MDGA2: variants seen among roughly 807,000 people sequenced by gnomAD.
The protein encoded by MDGA2 is MAM domain containing glycosylphosphatidylinositol anchor 2.
In MDGA2, 40 loss-of-function variants were observed where a neutral mutation model predicts 117.8. The observed-to-expected ratio is 0.34, with a 90% CI of 0.26 to 0.44. The LOEUF (loss-of-function observed/expected upper bound fraction) is 0.44. MDGA2 is among the 20% of genes least tolerant of loss of function. The pLI is 1.00. For synonymous variants in MDGA2, 452 were observed against 439.0 expected, an observed-to-expected ratio of 1.03 and a Z score of -0.37; for missense variants, 1,123 against 1,250.6, an observed-to-expected ratio of 0.90 and a Z score of 1.54.
chr14:47,094,579 T>TA (rs1879854446), intron 6 of MDGA2, among the ~76,000 whole-genome samples: 1 of 152,078 alleles, frequency 6.6e-6, no homozygotes, highest in South Asian at 2.1e-4. Context: ...CATTTTTCTC[T>TA]AACAAGTTAC....
intron 9 of MDGA2, among the ~76,000 whole-genome samples, chr14:46,940,777 G>T (rs1324440607): frequency 6.6e-6 from 1 of 152,136 alleles, no homozygotes; most frequent in East Asian, 1.9e-4. Context: ...ATGTTCAATG[G>T]TGTACTTATA....
chr14:47,290,571 C>T (rs1888847693), intron 2 of MDGA2, among the ~76,000 whole-genome samples: 1 of 151,986 alleles, frequency 6.6e-6, no homozygotes, highest in Admixed American at 6.6e-5. Flanking sequence ...TATACCCTGG[C>T]TAATGACTTA....
At chr14:46,949,485 A>C (rs1885292182) in intron 9 of MDGA2, among the ~76,000 whole-genome samples, 3 of 151,936 alleles carry the variant, frequency 2.0e-5, no homozygotes, top group Admixed American at 1.3e-4. Flanking sequence ...CCAATGTGTA[A>C]TTGTTTAACC....
intron 4 of MDGA2, among the ~76,000 whole-genome samples, chr14:47,136,347 C>T (rs1396960999): frequency 6.6e-6 from 1 of 151,936 alleles, no homozygotes; most frequent in African/African-American, 2.4e-5. Flanking sequence ...TAGGTGCATG[C>T]CATCACACTG....
chr14:47,571,725 C>G (rs981375733), intron 1 of MDGA2, among the ~76,000 whole-genome samples: 1 of 121,548 alleles, frequency 8.2e-6, no homozygotes, highest in Non-Finnish European at 1.6e-5. Flanking sequence ...GGACATAAGG[C>G]GGGGAACATC....
chr14:47,668,613 G>A (rs1180475450), intron 1 of MDGA2, among the ~76,000 whole-genome samples: 4 of 152,194 alleles, frequency 2.6e-5, no homozygotes, highest in African/African-American at 9.7e-5. Flanking sequence ...AAGTAATATA[G>A]TGTTTACACT....
intron 6 of MDGA2, among the ~76,000 whole-genome samples, chr14:47,061,790 G>A (rs572464281): frequency 6.6e-6 from 1 of 152,074 alleles, no homozygotes; most frequent in South Asian, 2.1e-4. Flanking sequence ...TAAAGACTGT[G>A]AACACTGATT....
At chr14:47,520,619 C>T (rs1894850007) in intron 1 of MDGA2, among the ~76,000 whole-genome samples, 1 of 152,080 alleles carries the variant, frequency 6.6e-6, no homozygotes, top group African/African-American at 2.4e-5. Context: ...GAACACAGAA[C>T]AGGAGAAAGC....
intron 2 of MDGA2, among the ~76,000 whole-genome samples, chr14:47,295,927 TGATAAGATAGATA>T (rs1345767063): frequency 9.6e-5 from 13 of 135,212 alleles, no homozygotes; most frequent in African/African-American, 1.9e-4. Context: ...TATAGATAGA[TGATAAGATAGATA>T]GATAGATAGA....
chr14:47,148,548 T>C (rs913972219), intron 3 of MDGA2, among the ~76,000 whole-genome samples: 1 of 152,180 alleles, frequency 6.6e-6, no homozygotes, highest in East Asian at 1.9e-4. Context: ...TCCATGGCAA[T>C]GTGCCCACTC....
At position 46,979,292 on chromosome 14, in the gene MDGA2, A is replaced by C. The variant is rs151046799; in HGVS notation, c.1820-21649T>G. Among the ~76,000 whole-genome samples, 581 of 152,118 alleles carry C rather than the reference A, an allele frequency of 3.8e-3. 8 individuals are homozygous for C. Among genetic ancestry groups the C allele is most frequent in the African/African-American group, 0.014 (569 of 41,490 alleles). ...AACCAGCTGCTTCCCCGTCTCTCAT[A>C]TTCTCCTTCTCCTTAAGCCTTCCTC... On this transcript the variant is annotated intron_variant, in intron 8 of 16. Coordinates refer to ENST00000399232, the MANE Select transcript of MDGA2 (RefSeq NM_001113498.3).
intron 1 of MDGA2, chr14:47,343,324 A>G (rs1475653366): frequency 5.0e-6 from 5 of 1,000,682 alleles, no homozygotes; most frequent in Non-Finnish European, 6.1e-6. Flanking sequence ...CTGTGAGTCT[A>G]TTATGAACTG....
chr14:47,149,398 G>A (rs188279175), intron 3 of MDGA2, among the ~76,000 whole-genome samples: 44 of 152,270 alleles, frequency 2.9e-4, no homozygotes, highest in Admixed American at 7.8e-4. Flanking sequence ...CCGCTGTTAC[G>A]AGAGAGGCCA....
intron 1 of MDGA2, among the ~76,000 whole-genome samples, chr14:47,350,754 A>C (rs1208551398): frequency 6.6e-6 from 1 of 152,198 alleles, no homozygotes; most frequent in Non-Finnish European, 1.5e-5. Flanking sequence ...GCTCTCAAGT[A>C]CCTAAGTAAT....
intron 7 of MDGA2, among the ~76,000 whole-genome samples, chr14:47,049,467 G>A (rs1481419846): frequency 6.6e-6 from 1 of 151,934 alleles, no homozygotes; most frequent in Non-Finnish European, 1.5e-5. Flanking sequence ...CTATTTAATA[G>A]TAGTACTATA....
chr14:47,167,999 T>A (rs1883956661), intron 3 of MDGA2, among the ~76,000 whole-genome samples: 1 of 152,178 alleles, frequency 6.6e-6, no homozygotes. Flanking sequence ...GACACATTGT[T>A]TATGGATAAA....
chr14:47,353,811 A>T (rs769000158), intron 1 of MDGA2, among the ~76,000 whole-genome samples: 3 of 152,232 alleles, frequency 2.0e-5, no homozygotes, highest in Non-Finnish European at 4.4e-5. Context: ...TTACAAGGCC[A>T]TCATTACCAT....
intron 1 of MDGA2, among the ~76,000 whole-genome samples, chr14:47,667,555 T>C (rs867886827): frequency 9.2e-5 from 14 of 152,354 alleles, no homozygotes; most frequent in Non-Finnish European, 1.0e-4. Context: ...TTCATCCTGA[T>C]GCACTACAAC....
chr14:46,989,446 T>C (rs1266894823), intron 8 of MDGA2, among the ~76,000 whole-genome samples: 3 of 152,138 alleles, frequency 2.0e-5, no homozygotes, highest in East Asian at 1.9e-4. Flanking sequence ...TAATTTTTCA[T>C]CTTGGCAGGT....
Sources: allele counts gnomAD v4.1 joint callset (sites outside exome capture counted in the v4.1 genomes callset), GRCh38; gene constraint gnomAD v4.1.1; transcripts MANE v1.5; gene names NCBI Gene and HGNC (gene_info 2026-07-23, HGNC 2026-07-21).